The following ZYG11B variants were observed in gnomAD, a reference collection of about 807,000 sequenced individuals.
ZYG11B encodes the protein zyg-11 family member B, cell cycle regulator.
Under a neutral mutation model 82.4 loss-of-function variants are expected in ZYG11B, and 36 were observed. The ratio of observed to expected loss-of-function variants is 0.44; its 90% CI spans 0.33 to 0.58. ZYG11B has a LOEUF of 0.58. Ranked by LOEUF, ZYG11B falls within the 20% of genes least tolerant of loss-of-function variation. ZYG11B has a pLI of 0.02. For synonymous variants in ZYG11B, 303 were observed against 312.8 expected, an observed-to-expected ratio of 0.97 and a Z score of 0.33; for missense variants, 552 against 895.6, an observed-to-expected ratio of 0.62 and a Z score of 4.90.
chr1:52,752,155 C>CT (rs1644531798), intron 1 of ZYG11B, among the ~76,000 whole-genome samples: 1 of 152,178 alleles, frequency 6.6e-6, no homozygotes, highest in Admixed American at 6.5e-5. Context: ...ACCACAACAC[C>CT]TGTCAGTCTT....
chr1:52,803,667 T>A (rs1645117893), intron 10 of ZYG11B, among the ~76,000 whole-genome samples: 1 of 152,186 alleles, frequency 6.6e-6, no homozygotes, highest in Non-Finnish European at 1.5e-5. Context: ...AGTGGCACAA[T>A]CACGGCTCAC....
At chr1:52,735,437 T>C (rs181581504) in intron 1 of ZYG11B, among the ~76,000 whole-genome samples, 2 of 152,320 alleles carry the variant, frequency 1.3e-5, no homozygotes, top group East Asian at 1.9e-4. Flanking sequence ...GTAATTGTGA[T>C]TAAGATTTTT....
chr1:52,800,912 G>A (rs899712792), intron 8 of ZYG11B, among the ~76,000 whole-genome samples: 6 of 152,156 alleles, frequency 3.9e-5, no homozygotes, highest in East Asian at 3.9e-4. Flanking sequence ...ATAGCCACTA[G>A]TATTATGTTC....
chr1:52,823,575 C>T lies in ZYG11B; in HGVS notation c.*1946C>T, dbSNP rs927033162. On this transcript the variant is annotated 3_prime_UTR_variant, in exon 14 of 14. Transcript: ENST00000294353. ...AATGTCTAAGACAAAGTTCAGAAAA[C>T]GAGATGGCCTGTGGTAGTTTGGAAA... 2 of 144,102 alleles carry T rather than the reference C, an allele frequency of 1.4e-5. No homozygotes were observed. The highest frequency in any genetic ancestry group is 5.2e-5 in the African/African-American group (2 of 38,722). 8.9% of individuals were successfully genotyped at this position (144,102 alleles called of 1,614,324 possible). A position where few individuals can be genotyped will look rare whatever the true frequency, so the allele number is the denominator to read the frequency against.
intron 1 of ZYG11B, among the ~76,000 whole-genome samples, chr1:52,747,382 C>G (rs1360021661): frequency 2.6e-5 from 4 of 151,514 alleles, no homozygotes; most frequent in Non-Finnish European, 5.9e-5. Flanking sequence ...CCACTGTTAA[C>G]TAGTTAGTCC....
At chr1:52,745,261 G>A (rs1343518609) in intron 1 of ZYG11B, among the ~76,000 whole-genome samples, 1 of 152,208 alleles carries the variant, frequency 6.6e-6, no homozygotes, top group Non-Finnish European at 1.5e-5. Context: ...CAAGGCAGGA[G>A]CATTTAGGAA....
intron 1 of ZYG11B, among the ~76,000 whole-genome samples, chr1:52,742,203 A>G (rs2149921944): frequency 6.6e-6 from 1 of 152,174 alleles, no homozygotes; most frequent in East Asian, 1.9e-4. Flanking sequence ...CACGCCTATT[A>G]CCCCAGCACT....
At chr1:52,811,374 T>G (rs2149964372) in intron 10 of ZYG11B, among the ~76,000 whole-genome samples, 1 of 152,360 alleles carries the variant, frequency 6.6e-6, no homozygotes, top group East Asian at 1.9e-4. Flanking sequence ...CATGTTAGAC[T>G]TCTCGACATT....
chr1:52,819,679 A>G (rs533989518), intron 13 of ZYG11B, among the ~76,000 whole-genome samples: 53 of 151,278 alleles, frequency 3.5e-4, no homozygotes, highest in African/African-American at 1.3e-3. Flanking sequence ...CTCAGCTACT[A>G]GGGAGGCTGA....
chr1:52,777,859 T>C (rs781133306), intron 3 of ZYG11B, among the ~76,000 whole-genome samples: 7 of 152,364 alleles, frequency 4.6e-5, no homozygotes, highest in East Asian at 1.9e-4. Context: ...CTTCCCCTTA[T>C]TATGAGATAG....
At chr1:52,742,119 T>C (rs1344243216) in intron 1 of ZYG11B, among the ~76,000 whole-genome samples, 1 of 152,184 alleles carries the variant, frequency 6.6e-6, no homozygotes, top group Non-Finnish European at 1.5e-5. Flanking sequence ...ACAGGAATTG[T>C]CAGTCTTAGG....
chr1:52,772,405 G>A, intron 3 of ZYG11B: 1 of 1,553,690 alleles, frequency 6.4e-7, no homozygotes, highest in Non-Finnish European at 8.9e-7. Context: ...GGAAGATCAG[G>A]AGCAAGTCCC....
chr1:52,823,771 T>C lies in ZYG11B; in HGVS notation c.*2142T>C, dbSNP rs1645303154. The C allele has an allele frequency of 1.3e-5, 2 of 152,208 alleles. No homozygotes were observed. The highest frequency in any genetic ancestry group is 2.1e-4 in the South Asian group (1 of 4,832). The allele number at this position is 152,208 out of a possible 1,614,324, so 9.4% of individuals were successfully genotyped here. A position where few individuals can be genotyped will look rare whatever the true frequency, so the allele number is the denominator to read the frequency against. On this transcript the variant is annotated 3_prime_UTR_variant, in exon 14 of 14. Coordinates refer to ENST00000294353, the MANE Select transcript of ZYG11B (RefSeq NM_024646.3). ...AATTATTTTCAGAAATGGCTAAAAGTGTACAGAAAACAGTAAATCCCTTCT... is the reference window on the plus strand; with the variant it reads ...AATTATTTTCAGAAATGGCTAAAAGCGTACAGAAAACAGTAAATCCCTTCT...
chr1:52,792,213 GGATT>G (rs1434917096), intron 6 of ZYG11B, among the ~76,000 whole-genome samples: 1 of 151,852 alleles, frequency 6.6e-6, no homozygotes, highest in Non-Finnish European at 1.5e-5. Context: ...GATATTTAGT[GGATT>G]GATTGATGGA....
intron 1 of ZYG11B, among the ~76,000 whole-genome samples, chr1:52,727,373 C>T (rs1438005672): frequency 6.6e-6 from 1 of 152,116 alleles, no homozygotes; most frequent in Non-Finnish European, 1.5e-5. Flanking sequence ...GAAGCCTATT[C>T]ACCTAGTGTC....
At position 52,799,729 on chromosome 1, in the gene ZYG11B, A is replaced by G. The variant is rs531567560; in HGVS notation, c.1486-2090A>G. 1.2e-4 allele frequency among the ~76,000 whole-genome samples: 18 copies of G among 152,156 alleles called. No individual in the cohort carries two copies. The South Asian group carries it at 3.7e-3, about 32-fold the overall frequency. On this transcript the variant is annotated intron_variant, in intron 8 of 13. Transcript: ENST00000294353. ...AGAATCGCTTGAATCGGGAAGGTGG[A>G]GGTTGCAGTGAGCCGAGACTGGGCC... is the stretch of plus-strand genomic sequence containing the variant.
At chr1:52,807,170 CT>C (rs111285617) in intron 10 of ZYG11B, among the ~76,000 whole-genome samples, 13 of 147,416 alleles carry the variant, frequency 8.8e-5, no homozygotes, top group African/African-American at 1.5e-4. Flanking sequence ...CGCGCCCGGC[CT>C]TTTTTTTTTA....
At position 52,726,630 on chromosome 1, in the gene ZYG11B, C is replaced by G. The variant is rs747630895; in HGVS notation, c.-24C>G. 1.4e-6 allele frequency: 2 copies of G among 1,447,142 alleles called. No individual in the cohort carries two copies. Among genetic ancestry groups the G allele is most frequent in the East Asian group, 6.0e-5 (2 of 33,086 alleles). 89.6% of individuals were successfully genotyped at this position (1,447,142 alleles called of 1,614,324 possible). A position where few individuals can be genotyped will look rare whatever the true frequency, so the allele number is the denominator to read the frequency against. ...GGGGGCGGGCTCCGGTCCGGCCCGC[C>G]GCCGCACCCAGGACGGAGGCTGCAT... On this transcript the variant is annotated 5_prime_UTR_variant, in exon 1 of 14. Coordinates refer to ENST00000294353, the MANE Select transcript of ZYG11B (RefSeq NM_024646.3).
At chr1:52,754,959 CTTTTTT>C (rs34416689) in intron 1 of ZYG11B, among the ~76,000 whole-genome samples, 2 of 126,686 alleles carry the variant, frequency 1.6e-5, no homozygotes, top group African/African-American at 6.0e-5. Flanking sequence ...AAAGCCTATT[CTTTTTT>C]TTTTTTTTTT....
Sources: allele counts gnomAD v4.1 joint callset (sites outside exome capture counted in the v4.1 genomes callset), GRCh38; gene constraint gnomAD v4.1.1; transcripts MANE v1.5; gene names NCBI Gene and HGNC (gene_info 2026-07-23, HGNC 2026-07-21).